The following ANO2 variants were observed in gnomAD, a reference collection of about 807,000 sequenced individuals.
ANO2 encodes anoctamin-2.
In ANO2, 101 loss-of-function variants were observed where a neutral mutation model predicts 124.2. That is an observed-to-expected ratio of 0.81 (90% CI 0.69 to 0.96). ANO2 has a LOEUF of 0.96. Among genes scored for constraint, ANO2 ranks in the 40% least tolerant of loss-of-function variants. The probability of loss-of-function intolerance (pLI) is 0.00; values close to 1 mark genes in which losing one functional copy is unlikely to be tolerated. For synonymous variants in ANO2, 486 were observed against 482.5 expected (o/e 1.01, Z -0.09); for missense variants, 1,293 against 1,274.5 (o/e 1.01, Z -0.22).
intron 3 of ANO2, among the ~76,000 whole-genome samples, chr12:5,892,018 C>T (rs1939445245): frequency 6.6e-6 from 1 of 150,790 alleles, no homozygotes; most frequent in Admixed American, 6.6e-5. Flanking sequence ...ACAAAAAAGG[C>T]CCAAGAAAGA....
chr12:5,668,449 C>G (rs977215873), intron 14 of ANO2, among the ~76,000 whole-genome samples: 10 of 151,822 alleles, frequency 6.6e-5, no homozygotes, highest in African/African-American at 2.4e-4. Context: ...GGATATTAAA[C>G]CTTTATCAGA....
At chr12:5,684,712 G>A (rs1948636041) in intron 14 of ANO2, among the ~76,000 whole-genome samples, 2 of 152,156 alleles carry the variant, frequency 1.3e-5, no homozygotes, top group Admixed American at 1.3e-4. Context: ...AGATGTTGCT[G>A]GTGCCTCTTT....
chr12:5,599,999 G>C (rs1943854285), intron 19 of ANO2, among the ~76,000 whole-genome samples: 1 of 152,184 alleles, frequency 6.6e-6, no homozygotes, highest in Non-Finnish European at 1.5e-5. Context: ...ACACAGGTCT[G>C]TTCTCCTCCT....
chr12:5,870,703 T>C (rs1955552403), intron 3 of ANO2, among the ~76,000 whole-genome samples: 1 of 152,212 alleles, frequency 6.6e-6, no homozygotes, highest in Non-Finnish European at 1.5e-5. Flanking sequence ...CCTCCCTTCT[T>C]CTCATATTCT....
intron 14 of ANO2, among the ~76,000 whole-genome samples, chr12:5,663,109 C>T (rs1490814203): frequency 6.6e-6 from 1 of 152,202 alleles, no homozygotes; most frequent in African/African-American, 2.4e-5. Flanking sequence ...CGAGGAGAGA[C>T]CATGCCCCAC....
At chr12:5,569,406 A>T (rs1490392688) in intron 23 of ANO2, among the ~76,000 whole-genome samples, 1 of 152,180 alleles carries the variant, frequency 6.6e-6, no homozygotes, top group Admixed American at 6.5e-5. Context: ...TATTTTAGGG[A>T]TGTTCCTGGA....
intron 20 of ANO2, among the ~76,000 whole-genome samples, chr12:5,585,332 C>G (rs1403957408): frequency 3.3e-5 from 5 of 152,094 alleles, no homozygotes; most frequent in African/African-American, 1.2e-4. Flanking sequence ...TGGATCGGGC[C>G]TGATTCAAAA....
intron 3 of ANO2, among the ~76,000 whole-genome samples, chr12:5,868,970 C>G (rs1455446594): frequency 1.3e-5 from 2 of 152,100 alleles, no homozygotes; most frequent in Non-Finnish European, 2.9e-5. Flanking sequence ...CAAGGAACTC[C>G]AACTGTGGGG....
chr12:5,701,540 G>T (rs945575523), intron 14 of ANO2, among the ~76,000 whole-genome samples: 2 of 152,062 alleles, frequency 1.3e-5, no homozygotes, highest in East Asian at 3.9e-4. Flanking sequence ...ACCACTTCTA[G>T]ATTATTCATG....
intron 14 of ANO2, among the ~76,000 whole-genome samples, chr12:5,717,064 T>C (rs2137046945): frequency 6.6e-6 from 1 of 152,320 alleles, no homozygotes; most frequent in Non-Finnish European, 1.5e-5. Flanking sequence ...TTGGACAATC[T>C]GTGGATAAAG....
intron 1 of ANO2, among the ~76,000 whole-genome samples, chr12:5,932,804 G>A (rs1942473733): frequency 6.6e-6 from 1 of 152,206 alleles, no homozygotes; most frequent in Non-Finnish European, 1.5e-5. Context: ...CAACATGAAA[G>A]TATGAAGAAG....
In ANO2 at chr12:5,563,304, C is replaced by A. The variant is rs1423613153; in HGVS notation, c.2992G>T (p.Val998Leu). 2 of 1,598,062 alleles carry A rather than the reference C, an allele frequency of 1.3e-6. No homozygotes were observed. The highest frequency in any genetic ancestry group is 4.5e-5 in the East Asian group (2 of 44,528). ...MMSSGSQHTN[V>L] ...TCTGCTGCAGGCTGAACTGCTCACA[C>A]ATTGGTGTGCTGAGAGCCTGACGAC... Residue 998 changes from valine to leucine, a missense_variant, in exon 25 of 25, where the codon GTG (valine) becomes TTG (leucine). Transcript: ENST00000682330.
At position 5,945,246 on chromosome 12, in the gene ANO2, G is replaced by C; in HGVS notation, c.-29C>G. 5 of 1,284,834 alleles carry C rather than the reference G, an allele frequency of 3.9e-6. No homozygotes were observed. Among genetic ancestry groups the C allele is most frequent in the Non-Finnish European group, 5.1e-6 (5 of 986,210 alleles). 79.6% of individuals were successfully genotyped at this position (1,284,834 alleles called of 1,614,324 possible). A position where few individuals can be genotyped will look rare whatever the true frequency, so the allele number is the denominator to read the frequency against. On this transcript the variant is annotated 5_prime_UTR_variant, in exon 1 of 25. Transcript: ENST00000682330. ...GTGGACGCAGACCCCGCCGGCCCGC[G>C]GCCGCGCGCTTCTGGGCAGGCTTAT...
chr12:5,657,040 A>G (rs4578482), intron 14 of ANO2, among the ~76,000 whole-genome samples: 90,068 of 152,094 alleles, frequency 0.59, 28,136 homozygotes, highest in East Asian at 0.96. Flanking sequence ...TGGATGGAGA[A>G]GGTTGGCAGG....
At chr12:5,595,679 C>T (rs968304052) in intron 20 of ANO2, among the ~76,000 whole-genome samples, 2 of 152,086 alleles carry the variant, frequency 1.3e-5, no homozygotes, top group African/African-American at 4.8e-5. Context: ...CAGTAAGATG[C>T]CATCAGCGTG....
In ANO2 at chr12:5,750,832, T is replaced by A; in HGVS notation, c.1190+4A>T. 6.2e-7 allele frequency: 1 copy of A among 1,608,402 alleles called. No homozygotes were observed. The highest frequency in any genetic ancestry group is 8.5e-7 in the Non-Finnish European group (1 of 1,178,364). On this transcript the variant is annotated splice_donor_region_variant and intron_variant, in intron 11 of 24. Transcript: ENST00000682330. Reference sequence around the variant, plus strand: ...CTGAGCCCTTTTCTTTAAAACTGATTTACCTGGGAATATCTTCTTCAATTG... The same window carrying A: ...CTGAGCCCTTTTCTTTAAAACTGATATACCTGGGAATATCTTCTTCAATTG...
rs144016513 is a variant in ANO2, at chr12:5,882,631, G to A, written c.535-28490C>T. On this transcript the variant is annotated intron_variant, in intron 3 of 24. Transcript: ENST00000682330. ...GGGTCTTCTTTTCCAAGCTTTGGAGGAAACGTCAAAGGTGGGAGAGGCATC... is the reference window on the plus strand; with the variant it reads ...GGGTCTTCTTTTCCAAGCTTTGGAGAAAACGTCAAAGGTGGGAGAGGCATC... Among the ~76,000 whole-genome samples, 132 of 152,326 alleles carry A rather than the reference G, an allele frequency of 8.7e-4. 1 individual carries two copies. In the East Asian group the frequency reaches 0.024, roughly 28 times the overall value.
At chr12:5,757,427 C>T (rs1371721759) in intron 10 of ANO2, among the ~76,000 whole-genome samples, 2 of 152,134 alleles carry the variant, frequency 1.3e-5, no homozygotes, top group East Asian at 1.9e-4. Context: ...TAAATATTGA[C>T]TATGGATGCC....
intron 14 of ANO2, among the ~76,000 whole-genome samples, chr12:5,695,048 C>T (rs1644552901): frequency 6.6e-6 from 1 of 152,152 alleles, no homozygotes; most frequent in Non-Finnish European, 1.5e-5. Context: ...CTGAATAGTT[C>T]CTCAAGCCGC....
Sources: gnomAD v4.1 joint callset for allele counts (sites outside exome capture counted in the v4.1 genomes callset) on GRCh38, gnomAD v4.1.1 for gene constraint, MANE v1.5 for transcripts, NCBI Gene and HGNC (gene_info 2026-07-23, HGNC 2026-07-21) for gene names.